The following LMNTD1 variants were observed in gnomAD, a reference collection of about 807,000 sequenced individuals.
The protein encoded by LMNTD1 is lamin tail domain-containing protein 1.
In LMNTD1, 35 loss-of-function variants were observed where a neutral mutation model predicts 50.9. That is an observed-to-expected ratio of 0.69 (90% confidence interval 0.53 to 0.91). The LOEUF is 0.91. Ranked by LOEUF, LMNTD1 falls within the 40% of genes least tolerant of loss-of-function variation. The probability of loss-of-function intolerance (pLI) is 0.00; values close to 1 mark genes in which losing one functional copy is unlikely to be tolerated. For missense variants in LMNTD1, 470 were observed against 475.5 expected (o/e 0.99, Z 0.11); for synonymous variants, 153 against 161.9 (o/e 0.94, Z 0.42).
intron 1 of LMNTD1, among the ~76,000 whole-genome samples, chr12:25,618,469 C>T (rs1231740025): frequency 1.3e-5 from 2 of 152,122 alleles, no homozygotes; most frequent in African/African-American, 2.4e-5. Flanking sequence ...ACCATTGCTT[C>T]GGGTTAAGAA....
intron 1 of LMNTD1, among the ~76,000 whole-genome samples, chr12:25,595,968 T>G (rs1050916288): frequency 1.3e-5 from 2 of 152,012 alleles, no homozygotes; most frequent in African/African-American, 4.8e-5. Context: ...TATCTTTACA[T>G]GCATAAACCT....
intron 9 of LMNTD1, among the ~76,000 whole-genome samples, chr12:25,496,346 T>C (rs940355226): frequency 6.6e-6 from 1 of 152,190 alleles, no homozygotes; most frequent in Non-Finnish European, 1.5e-5. Context: ...TAACTTTTAT[T>C]GTACACTCTT....
chr12:25,619,260 A>C (rs1404663736), intron 1 of LMNTD1, among the ~76,000 whole-genome samples: 7,468 of 58,632 alleles, frequency 0.13, 190 homozygotes, highest in East Asian at 0.27. Flanking sequence ...CTCTATATAT[A>C]TATATATATA....
At chr12:25,598,447 A>T (rs1297365396) in intron 1 of LMNTD1, among the ~76,000 whole-genome samples, 1 of 152,080 alleles carries the variant, frequency 6.6e-6, no homozygotes, top group Non-Finnish European at 1.5e-5. Flanking sequence ...ATCTTAAAGA[A>T]CTAGAAAAGT....
intron 1 of LMNTD1, among the ~76,000 whole-genome samples, chr12:25,558,639 C>T (rs1376030663): frequency 1.3e-5 from 2 of 152,158 alleles, no homozygotes; most frequent in Non-Finnish European, 2.9e-5. Flanking sequence ...CGTTTAATGG[C>T]CTCACATTTC....
chr12:25,580,683 C>T (rs1415433953), intron 1 of LMNTD1, among the ~76,000 whole-genome samples: 4 of 152,118 alleles, frequency 2.6e-5, no homozygotes, highest in Admixed American at 1.3e-4. Context: ...ACCTGTTTAA[C>T]GATCAAAGCT....
intron 1 of LMNTD1, among the ~76,000 whole-genome samples, chr12:25,604,333 A>C (rs757077265): frequency 6.6e-6 from 1 of 150,946 alleles, no homozygotes; most frequent in East Asian, 1.9e-4. Context: ...ATGGTTCTTT[A>C]TTTATTTATT....
intron 4 of LMNTD1, among the ~76,000 whole-genome samples, chr12:25,531,264 T>A (rs1234554504): frequency 6.6e-6 from 1 of 152,210 alleles, no homozygotes; most frequent in African/African-American, 2.4e-5. Context: ...TAGAGAACTA[T>A]GTGTTAATAA....
intron 1 of LMNTD1, among the ~76,000 whole-genome samples, chr12:25,615,135 C>A (rs1265898978): frequency 6.6e-6 from 1 of 152,110 alleles, no homozygotes; most frequent in East Asian, 1.9e-4. Context: ...TGAGGCTCAG[C>A]TAAAAGGGAG....
intron 1 of LMNTD1, among the ~76,000 whole-genome samples, chr12:25,621,212 A>G (rs1207128126): frequency 6.6e-6 from 1 of 152,166 alleles, no homozygotes; most frequent in Non-Finnish European, 1.5e-5. Context: ...ATACATTGGC[A>G]GGGGTAACTT....
chr12:25,635,655 C>G (rs530404531), intron 1 of LMNTD1, among the ~76,000 whole-genome samples: 15 of 152,076 alleles, frequency 9.9e-5, no homozygotes, highest in Middle Eastern at 3.4e-3. Flanking sequence ...CATATGGAAC[C>G]AAAAAAGAGC....
At chr12:25,567,982 C>CAG (rs1944627846) in intron 1 of LMNTD1, among the ~76,000 whole-genome samples, 1 of 151,950 alleles carries the variant, frequency 6.6e-6, no homozygotes, top group Admixed American at 6.6e-5. Flanking sequence ...GGGTAACGGG[C>CAG]AGAGGTTAGA....
intron 1 of LMNTD1, 21 bp from the exon 2 acceptor site, chr12:25,553,010 A>G: frequency 1.9e-6 from 3 of 1,606,250 alleles, no homozygotes; most frequent in African/African-American, 1.3e-5. Flanking sequence ...AGATCATGAC[A>G]TCAGATGACG....
chr12:25,554,063 A>C (rs1241076326), upstream of LMNTD1, among the ~76,000 whole-genome samples: 1 of 152,242 alleles, frequency 6.6e-6, no homozygotes, highest in Non-Finnish European at 1.5e-5. Flanking sequence ...AACACGTAAT[A>C]AGGTAAGTTA....
chr12:25,531,249 T>C (rs929020034), intron 4 of LMNTD1, among the ~76,000 whole-genome samples: 11 of 152,256 alleles, frequency 7.2e-5, no homozygotes, highest in African/African-American at 2.7e-4. Context: ...CCCAGATTTA[T>C]GGCCTAGAGA....
At chr12:25,484,087 T>TA (rs974048299) in intron 9 of LMNTD1, among the ~76,000 whole-genome samples, 49 of 151,516 alleles carry the variant, frequency 3.2e-4, no homozygotes, top group Admixed American at 1.4e-3. Flanking sequence ...TTTTGTAAAT[T>TA]AAAAAAAAAT....
At chr12:25,528,346 G>A (rs1191649354) in intron 4 of LMNTD1, among the ~76,000 whole-genome samples, 1 of 152,146 alleles carries the variant, frequency 6.6e-6, no homozygotes, top group African/African-American at 2.4e-5. Flanking sequence ...GTTAACCCTT[G>A]TCCTTCTGCC....
At chr12:25,542,911 G>T (rs1943189659) in intron 4 of LMNTD1, among the ~76,000 whole-genome samples, 1 of 151,656 alleles carries the variant, frequency 6.6e-6, no homozygotes, top group South Asian at 2.1e-4. Flanking sequence ...AGGAAAAAGA[G>T]AAGATACAGA....
intron 2 of LMNTD1, among the ~76,000 whole-genome samples, chr12:25,550,193 C>T (rs1943669771): frequency 8.8e-6 from 1 of 113,664 alleles, no homozygotes; most frequent in South Asian, 3.1e-4. Context: ...GTGAATCTTA[C>T]TATGAACAAA....
Sources: allele counts gnomAD v4.1 joint callset (sites outside exome capture counted in the v4.1 genomes callset), GRCh38; gene constraint gnomAD v4.1.1; transcripts MANE v1.5; gene names NCBI Gene and HGNC (gene_info 2026-07-23, HGNC 2026-07-21).